GPM6A: variants seen among roughly 807,000 people sequenced by gnomAD.
GPM6A encodes neuronal membrane glycoprotein M6-a.
A neutral mutation model predicts 32.1 loss-of-function variants in GPM6A; 7 were observed. The observed-to-expected ratio is 0.22, with a 90% CI of 0.12 to 0.41. The LOEUF (loss-of-function observed/expected upper bound fraction) is 0.41. Among genes scored for constraint, GPM6A ranks in the 10% least tolerant of loss-of-function variants. The pLI is 1.00. For missense variants in GPM6A, 235 were observed against 347.2 expected (o/e 0.68, Z 2.57); for synonymous variants, 130 against 123.4 (o/e 1.05, Z -0.35).
chr4:175,939,120 A>G (rs139491285), intron 1 of GPM6A, among the ~76,000 whole-genome samples: 2 of 152,198 alleles, frequency 1.3e-5, no homozygotes, highest in South Asian at 2.1e-4. Context: ...ATAATTGCCA[A>G]TTAAGGGTAT....
chr4:175,925,933 C>A (rs1484448071), intron 1 of GPM6A, among the ~76,000 whole-genome samples: 2 of 149,684 alleles, frequency 1.3e-5, no homozygotes, highest in Non-Finnish European at 3.0e-5. Flanking sequence ...CTCACTGTAA[C>A]CTCTGCCTTC....
chr4:175,729,643 A>G (rs1731328928), intron 1 of GPM6A, among the ~76,000 whole-genome samples: 1 of 151,744 alleles, frequency 6.6e-6, no homozygotes, highest in South Asian at 2.1e-4. Flanking sequence ...GGTGATGGAT[A>G]CCCTACTTAC....
chr4:175,983,302 T>C (rs1344260667), intron 1 of GPM6A, among the ~76,000 whole-genome samples: 2 of 152,370 alleles, frequency 1.3e-5, no homozygotes, highest in East Asian at 3.9e-4. Context: ...CTTAATTTCA[T>C]GGTGATAACG....
chr4:175,734,913 T>G (rs151247170), intron 1 of GPM6A, among the ~76,000 whole-genome samples: 362 of 152,294 alleles, frequency 2.4e-3, no homozygotes, highest in African/African-American at 7.7e-3. Context: ...TTGAGCCCTT[T>G]TATACCCTTG....
chr4:175,833,633 A>G (rs1735681340), intron 1 of GPM6A, among the ~76,000 whole-genome samples: 1 of 152,122 alleles, frequency 6.6e-6, no homozygotes, highest in South Asian at 2.1e-4. Flanking sequence ...TTATTTTCCT[A>G]TTTAACTAAT....
chr4:175,754,468 G>T (rs1254871247), intron 1 of GPM6A, among the ~76,000 whole-genome samples: 1 of 152,056 alleles, frequency 6.6e-6, no homozygotes, highest in East Asian at 1.9e-4. Flanking sequence ...ATATACAAAT[G>T]GGTTCATGTT....
At chr4:175,876,987 G>A (rs537739372) in intron 1 of GPM6A, among the ~76,000 whole-genome samples, 5 of 152,088 alleles carry the variant, frequency 3.3e-5, no homozygotes, top group African/African-American at 9.6e-5. Flanking sequence ...AAGTCCATGC[G>A]GTCACTTATC....
rs148056539 is a variant in GPM6A at position 175,834,769 on chromosome 4, A to G, written c.-22-22520T>C. ...ATCACTACTATTAGAAAACAAAAAT[A>G]CATCTCTTCTTAATTTTATTAAAGC... is the stretch of plus-strand genomic sequence containing the variant. On this transcript the variant is annotated intron_variant, in intron 1 of 7. Coordinates refer to the GPM6A transcript ENST00000280187. 4.7e-3 allele frequency among the ~76,000 whole-genome samples: 711 copies of G among 152,312 alleles called. 4 individuals are homozygous for G. The highest frequency in any genetic ancestry group is 0.015 in the East Asian group (76 of 5,182).
intron 1 of GPM6A, among the ~76,000 whole-genome samples, chr4:175,849,308 A>C (rs1736181148): frequency 6.6e-6 from 1 of 152,210 alleles, no homozygotes. Context: ...ACAACAGAGT[A>C]CATGTGTGTC....
At chr4:175,836,062 C>T (rs1237570884) in intron 1 of GPM6A, among the ~76,000 whole-genome samples, 2 of 151,974 alleles carry the variant, frequency 1.3e-5, no homozygotes, top group East Asian at 1.9e-4. Context: ...AGCCTGGCAG[C>T]CACTTCCCAG....
At chr4:175,775,205 A>G (rs1733346085) in intron 1 of GPM6A, among the ~76,000 whole-genome samples, 1 of 152,130 alleles carries the variant, frequency 6.6e-6, no homozygotes, top group Non-Finnish European at 1.5e-5. Flanking sequence ...AGTTGAGAGC[A>G]ATATCTCCGT....
chr4:175,744,505 A>G (rs919988935), intron 1 of GPM6A, among the ~76,000 whole-genome samples: 5 of 152,116 alleles, frequency 3.3e-5, no homozygotes, highest in Non-Finnish European at 7.4e-5. Flanking sequence ...ATAAAAATTT[A>G]AAACTCAAAA....
chr4:175,643,401 TG>T (rs1224154166), intron 4 of GPM6A, among the ~76,000 whole-genome samples: 1 of 152,182 alleles, frequency 6.6e-6, no homozygotes, highest in Non-Finnish European at 1.5e-5. Flanking sequence ...TTTGTCCTAC[TG>T]TCTTGTTCTA....
intron 1 of GPM6A, among the ~76,000 whole-genome samples, chr4:175,959,049 C>G (rs988122203): frequency 5.3e-5 from 8 of 151,948 alleles, no homozygotes; most frequent in African/African-American, 1.5e-4. Context: ...ACTTAAAAAC[C>G]CTATAGTTAC....
At chr4:175,723,879 T>C (rs1746268817) in intron 1 of GPM6A, among the ~76,000 whole-genome samples, 1 of 152,180 alleles carries the variant, frequency 6.6e-6, no homozygotes, top group South Asian at 2.1e-4. Context: ...TATAATATAT[T>C]ATACTTGTCA....
intron 1 of GPM6A, among the ~76,000 whole-genome samples, chr4:175,877,492 T>C (rs184095975): frequency 1.3e-5 from 2 of 152,230 alleles, no homozygotes; most frequent in Admixed American, 1.3e-4. Flanking sequence ...AAGAAACTTA[T>C]AATCATGGTG....
chr4:175,681,914 A>T (rs988805465), intron 2 of GPM6A, among the ~76,000 whole-genome samples: 26 of 152,242 alleles, frequency 1.7e-4, no homozygotes, highest in Admixed American at 1.1e-3. Flanking sequence ...GATACATGAA[A>T]ATGTGAAAGC....
At chr4:175,970,052 G>A (rs772736702) in intron 1 of GPM6A, among the ~76,000 whole-genome samples, 8 of 152,266 alleles carry the variant, frequency 5.3e-5, no homozygotes, top group Non-Finnish European at 8.8e-5. Context: ...CAATGACGCC[G>A]AAATATTCCA....
intron 5 of GPM6A, 94 bp from the exon 6 acceptor site, chr4:175,640,288 A>G (rs567553359): frequency 9.6e-6 from 9 of 942,176 alleles, no homozygotes; most frequent in Non-Finnish European, 1.2e-5. Context: ...GACTTTGTAC[A>G]TCTTAAATAA....
Sources: gnomAD v4.1 joint callset for allele counts (sites outside exome capture counted in the v4.1 genomes callset) on GRCh38, gnomAD v4.1.1 for gene constraint, MANE v1.5 for transcripts, NCBI Gene and HGNC (gene_info 2026-07-23, HGNC 2026-07-21) for gene names.